Variants in SLC30A3 observed in about 807,000 individuals in gnomAD.
SLC30A3 encodes probable proton-coupled zinc antiporter SLC30A3.
Under a neutral mutation model 35.6 loss-of-function variants are expected in SLC30A3, and 20 were observed. The ratio of observed to expected loss-of-function variants is 0.56; its 90% CI spans 0.39 to 0.82. The LOEUF (loss-of-function observed/expected upper bound fraction) is 0.82. SLC30A3 is among the 40% of genes least tolerant of loss of function. The pLI, the probability that SLC30A3 is intolerant of heterozygous loss-of-function variation, is 0.00. For missense variants in SLC30A3, 401 were observed against 530.6 expected, an observed-to-expected ratio of 0.76 and a Z score of 2.40; for synonymous variants, 217 against 224.7, an observed-to-expected ratio of 0.97 and a Z score of 0.31.
chr2:27,256,238 G>GTGTA, intron 7 of SLC30A3, 148 bp downstream of exon 7: 1 of 859,468 alleles, frequency 1.2e-6, no homozygotes. Context: ...GTGTGTGTGT[G>GTGTA]TGTATGTGTC....
In SLC30A3 at chr2:27,274,485, A is replaced by G. The variant is rs542613117; in HGVS notation, c.-159+692T>C. ...CTACTACATGTTACAGGAGCCATTG[A>G]GTGCTCTTGCAAAGAAAACCAGCAC... On this transcript the variant is annotated intron_variant, in intron 1 of 5. Coordinates refer to the SLC30A3 transcript ENST00000424577. Among the ~76,000 whole-genome samples the G allele has an allele frequency of 2.0e-5, 3 of 152,356 alleles. No individual in the cohort carries two copies. The East Asian group carries it at 5.8e-4, about 29-fold the overall frequency.
intron 1 of SLC30A3, among the ~76,000 whole-genome samples, chr2:27,259,532 G>C (rs1417577597): frequency 6.6e-6 from 1 of 151,290 alleles, no homozygotes; most frequent in Non-Finnish European, 1.5e-5. Flanking sequence ...CTGTTGCCCA[G>C]GCTGGAGTGC....
intron 1 of SLC30A3, 115 bp from the exon 2 acceptor site, chr2:27,259,049 C>T (rs1471498737): frequency 2.4e-6 from 2 of 816,362 alleles, no homozygotes; most frequent in South Asian, 1.9e-5. Context: ...CAGGCCTGGT[C>T]GTATCTGGGA....
chr2:27,255,699 T>C lies in SLC30A3; in HGVS notation c.1019-239A>G. ...CCAGTCTCCTATTCTCTCCTGTCAT[T>C]AAGTGTCAACATACAGCTCAACATT... On this transcript the variant is annotated intron_variant, in intron 7 of 7. Transcript: ENST00000233535. This position sits in a 1 kb window ranked among gnomAD's most constrained non-coding sequence, Gnocchi z 5.2. The C allele has an allele frequency of 1.9e-6, 1 of 528,692 alleles. No individual in the cohort carries two copies. Among genetic ancestry groups the C allele is most frequent in the South Asian group, 2.1e-5 (1 of 46,628 alleles). 32.8% of individuals were successfully genotyped at this position (528,692 alleles called of 1,614,324 possible).
upstream of SLC30A3, chr2:27,263,327 C>A: frequency 2.1e-6 from 1 of 469,436 alleles, no homozygotes. Context: ...TCCTGAAGCC[C>A]AAGAACCTCA....
At chr2:27,263,416 C>T, upstream of SLC30A3, 1 of 441,040 alleles carries the variant, frequency 2.3e-6, no homozygotes, top group Middle Eastern at 3.3e-4. Flanking sequence ...CACCCTGTGG[C>T]CGCAACCCTC....
chr2:27,264,005 C>CT, upstream of SLC30A3: 1 of 1,286,586 alleles, frequency 7.8e-7, no homozygotes, highest in Non-Finnish European at 1.0e-6. This position sits in a 1 kb window ranked among gnomAD's most constrained non-coding sequence, Gnocchi z 6.1. Flanking sequence ...GAGGGAGCGA[C>CT]TTACAGCAAA....
At position 27,258,901 on chromosome 2, in the gene SLC30A3, C is replaced by T. The variant is rs865934137; in HGVS notation, c.129G>A (p.Glu43=). 1.9e-6 allele frequency: 3 copies of T among 1,610,374 alleles called. No individual in the cohort carries two copies. The highest frequency in any genetic ancestry group is 1.7e-6 in the Non-Finnish European group (2 of 1,178,248). ...AGGGCATCTCCACAGGTTTGGACTC[C>T]TCAGGGAGGGGCTCTGAGGGCTCTG... ...LFTEPSEPLP[E]ESKPVEMPFH... Residue 43 remains glutamate (E), a synonymous_variant, in exon 2 of 8, where the codon GAG becomes GAA. Coordinates refer to ENST00000233535, the MANE Select transcript of SLC30A3 (RefSeq NM_003459.5). The surrounding 1 kb of genome is among the most constrained non-coding windows in gnomAD (Gnocchi z 4.0).
At chr2:27,273,397 C>T (rs2148160269) in intron 1 of SLC30A3, among the ~76,000 whole-genome samples, 1 of 152,352 alleles carries the variant, frequency 6.6e-6, no homozygotes, top group East Asian at 1.9e-4. Context: ...CTGGGTCTTA[C>T]AGACTGAGGC....
intron 1 of SLC30A3, 86 bp from the exon 2 acceptor site, chr2:27,259,020 A>C: frequency 1.0e-5 from 11 of 1,072,202 alleles, no homozygotes; most frequent in Non-Finnish European, 1.2e-5. Flanking sequence ...TGCTGGCCTC[A>C]TCAGACCATC....
rs562211471 is a variant in SLC30A3, at chr2:27,256,317, A to C, written c.1018+69T>G. ...AAGACTGAAACAATTCCAGTAACTCAAGCTATGGTCCCATGTTTGGGGTGG... is the reference window on the plus strand; with the variant it reads ...AAGACTGAAACAATTCCAGTAACTCCAGCTATGGTCCCATGTTTGGGGTGG... On this transcript the variant is annotated intron_variant, in intron 7 of 7. Transcript: ENST00000233535. The C allele has an allele frequency of 8.9e-6, 14 of 1,572,646 alleles. No individual in the cohort carries two copies. The South Asian group carries it at 1.3e-4, about 15-fold the overall frequency.
chr2:27,263,263 G>A (rs1677322658), upstream of SLC30A3: 2 of 507,370 alleles, frequency 3.9e-6, no homozygotes, highest in African/African-American at 2.0e-5. Context: ...CCGTCCCCCA[G>A]GCGAGCTAGC....
Position 27,257,365 on chromosome 2 carries a change from C to G in SLC30A3, c.579-13G>C. 1 of 1,595,676 alleles carries G rather than the reference C, an allele frequency of 6.3e-7. No homozygotes were observed. The highest frequency in any genetic ancestry group is 8.5e-7 in the Non-Finnish European group (1 of 1,171,448). ...CACAAAGGCCATTCTGAGGGGTAAG[C>G]AGAGCACCTCAGCCTAGGGCCCTGC... is the stretch of plus-strand genomic sequence containing the variant. On this transcript the variant is annotated splice_polypyrimidine_tract_variant and intron_variant, in intron 4 of 7. Transcript: ENST00000233535. The surrounding 1 kb of genome is among the most constrained non-coding windows in gnomAD (Gnocchi z 4.7).
At chr2:27,275,343 C>T, upstream of SLC30A3, 2 of 619,510 alleles carry the variant, frequency 3.2e-6, no homozygotes, top group Non-Finnish European at 5.2e-6. Context: ...CTGCTAAGCC[C>T]TCCGCTCTCG....
In SLC30A3 at chr2:27,258,252, C is replaced by T. The variant is rs372422099; in HGVS notation, c.333G>A (p.Ala111=). The change falls in exon 3 of 8, where the codon GCG becomes GCA. Residue 111 remains alanine (A), a synonymous_variant. Coordinates refer to ENST00000233535, the MANE Select transcript of SLC30A3 (RefSeq NM_003459.5). The surrounding 1 kb of genome is among the most constrained non-coding windows in gnomAD (Gnocchi z 4.0). Reference sequence around the variant, plus strand: ...GGCTGCCCATCATGCTGCCCACATCCGCCAGCAAGTGGGCTGCATCGGTCA... The same window carrying T: ...GGCTGCCCATCATGCTGCCCACATCTGCCAGCAAGTGGGCTGCATCGGTCA... ...AIMTDAAHLL[A]DVGSMMGSLF... The T allele has an allele frequency of 4.8e-5, 75 of 1,570,640 alleles. No homozygotes were observed. Among genetic ancestry groups the T allele is most frequent in the Non-Finnish European group, 5.6e-5 (65 of 1,155,642 alleles).
At chr2:27,270,483 G>T (rs529316536) in intron 1 of SLC30A3, among the ~76,000 whole-genome samples, 270 of 152,078 alleles carry the variant, frequency 1.8e-3, no homozygotes, top group Non-Finnish European at 3.2e-3. Flanking sequence ...GAAGGACCCT[G>T]ATTTTTCCTT....
rs536878414 is a variant in SLC30A3 at position 27,259,078 on chromosome 2, C to G, written c.96-144G>C. The G allele has an allele frequency of 5.3e-5, 33 of 624,854 alleles. No homozygotes were observed. In the African/African-American group the frequency reaches 5.6e-4, roughly 11 times the overall value. 38.7% of individuals were successfully genotyped at this position (624,854 alleles called of 1,614,324 possible). Reference sequence around the variant, plus strand: ...TCTGGGAGCTGCATCGGCAGAGGGCCACATGAGAGACCGGGGCTAAATGAA... The same window carrying G: ...TCTGGGAGCTGCATCGGCAGAGGGCGACATGAGAGACCGGGGCTAAATGAA... On this transcript the variant is annotated intron_variant, in intron 1 of 7. Transcript: ENST00000233535.
At position 27,262,725 on chromosome 2, in the gene SLC30A3, G is replaced by C; in HGVS notation, c.95+87C>G. ...CCCGCGGTGCGCTGGGGCGGCCGCCGGGGCCCGCGCCGAGAGAGACAACGA... is the reference window on the plus strand; with the variant it reads ...CCCGCGGTGCGCTGGGGCGGCCGCCCGGGCCCGCGCCGAGAGAGACAACGA... On this transcript the variant is annotated intron_variant, in intron 1 of 7. Coordinates refer to ENST00000233535, the MANE Select transcript of SLC30A3 (RefSeq NM_003459.5). This position sits in a 1 kb window ranked among gnomAD's most constrained non-coding sequence, Gnocchi z 7.5. The C allele has an allele frequency of 7.6e-7, 1 of 1,317,256 alleles. No homozygotes were observed. Among genetic ancestry groups the C allele is most frequent in the Non-Finnish European group, 1.0e-6 (1 of 1,003,992 alleles). The allele number at this position is 1,317,256 out of a possible 1,614,324, so 81.6% of individuals were successfully genotyped here.
chr2:27,262,916 G>A lies in SLC30A3; in HGVS notation c.-10C>T. On this transcript the variant is annotated 5_prime_UTR_variant, in exon 1 of 8. Coordinates refer to ENST00000233535, the MANE Select transcript of SLC30A3 (RefSeq NM_003459.5). The surrounding 1 kb of genome is among the most constrained non-coding windows in gnomAD (Gnocchi z 7.5). ...CTGGAGAGGGCTCCATGTTCCCGGT[G>A]CCCCGACCGTCTAGGCCCCACCGAG... The A allele has an allele frequency of 6.4e-7, 1 of 1,552,732 alleles. No homozygotes were observed. The highest frequency in any genetic ancestry group is 8.6e-7 in the Non-Finnish European group (1 of 1,157,120).
Sources: allele counts gnomAD v4.1 joint callset (sites outside exome capture counted in the v4.1 genomes callset), GRCh38; gene constraint gnomAD v4.1.1; non-coding constraint Gnocchi (gnomAD v3.1); transcripts MANE v1.5; gene names NCBI Gene and HGNC (gene_info 2026-07-23, HGNC 2026-07-21).